Variants in ZNF704 observed in about 807,000 individuals in gnomAD.
ZNF704 encodes zinc finger protein 704.
A neutral mutation model predicts 44.7 loss-of-function variants in ZNF704; 10 were observed. That is an observed-to-expected ratio of 0.22 (90% confidence interval 0.14 to 0.38). The LOEUF (loss-of-function observed/expected upper bound fraction) is 0.38, where lower values mean the gene tolerates loss of function less well. ZNF704 is among the 10% of genes least tolerant of loss of function. The pLI, the probability that ZNF704 is intolerant of heterozygous loss-of-function variation, is 1.00. For synonymous variants in ZNF704, 211 were observed against 207.6 expected (o/e 1.02, Z -0.14); for missense variants, 390 against 545.5 (o/e 0.71, Z 2.84).
At position 80,766,866 on chromosome 8, in the gene ZNF704, C is replaced by A. The variant is rs533724386; in HGVS notation, c.221+54508G>T. Among the ~76,000 whole-genome samples, 7 of 152,180 alleles carry A rather than the reference C, an allele frequency of 4.6e-5. No individual in the cohort carries two copies. In the South Asian group the frequency reaches 1.2e-3, roughly 27 times the overall value. Reference sequence around the variant, plus strand: ...TAGCTGGGATTACAGGCATGCGTCACCATGCTTGGCTAATTTTTGTATTTT... The same window carrying A: ...TAGCTGGGATTACAGGCATGCGTCAACATGCTTGGCTAATTTTTGTATTTT... On this transcript the variant is annotated intron_variant, in intron 2 of 8. Coordinates refer to ENST00000327835, the MANE Select transcript of ZNF704 (RefSeq NM_001033723.3).
chr8:80,769,610 A>G (rs549077086), intron 2 of ZNF704, among the ~76,000 whole-genome samples: 1 of 152,318 alleles, frequency 6.6e-6, no homozygotes, highest in South Asian at 2.1e-4. Flanking sequence ...CCTTTGCTCC[A>G]GTTCCCAACA....
intron 6 of ZNF704, 122 bp from the exon 7 acceptor site, chr8:80,659,811 T>A: frequency 1.3e-6 from 1 of 799,806 alleles, no homozygotes; most frequent in Non-Finnish European, 2.0e-6. Flanking sequence ...TTGGACTAAT[T>A]ATCTAATAGG....
At chr8:80,785,551 G>T (rs542992592) in intron 2 of ZNF704, among the ~76,000 whole-genome samples, 2 of 151,946 alleles carry the variant, frequency 1.3e-5, no homozygotes, top group Admixed American at 6.6e-5. Flanking sequence ...ATATACATAC[G>T]GACTCATGGG....
At chr8:80,702,908 C>G (rs923630401) in intron 2 of ZNF704, among the ~76,000 whole-genome samples, 2 of 151,944 alleles carry the variant, frequency 1.3e-5, no homozygotes, top group African/African-American at 2.4e-5. Context: ...GTGGCTCAAG[C>G]CTTCCATAAA....
rs141503923 is a variant in ZNF704, at chr8:80,865,277, T to C, written c.-22+9294A>G. ...AACGATAGCCACTGATGGAATCATA[T>C]TATCCCAATTTTGAAGATAACATGA... On this transcript the variant is annotated intron_variant, in intron 1 of 8. Transcript: ENST00000327835. Among the ~76,000 whole-genome samples the C allele has an allele frequency of 3.9e-3, 592 of 152,328 alleles. 4 individuals are homozygous for C. Among genetic ancestry groups the C allele is most frequent in the African/African-American group, 0.014 (566 of 41,576 alleles).
intron 2 of ZNF704, among the ~76,000 whole-genome samples, chr8:80,796,256 C>A (rs772704240): frequency 5.9e-5 from 9 of 152,338 alleles, no homozygotes; most frequent in Non-Finnish European, 1.0e-4. Flanking sequence ...TAAGGCAGCA[C>A]AGGGAATCAC....
At chr8:80,763,780 T>C (rs1282412908) in intron 2 of ZNF704, among the ~76,000 whole-genome samples, 4 of 152,196 alleles carry the variant, frequency 2.6e-5, no homozygotes, top group African/African-American at 9.6e-5. Flanking sequence ...TTTCCAAACT[T>C]TTATGATCTG....
At chr8:80,757,408 T>C (rs568359292) in intron 2 of ZNF704, among the ~76,000 whole-genome samples, 1 of 152,212 alleles carries the variant, frequency 6.6e-6, no homozygotes, top group African/African-American at 2.4e-5. Flanking sequence ...TGTAGCTATA[T>C]AATGTATCTG....
At chr8:80,756,167 A>G (rs937393741) in intron 2 of ZNF704, among the ~76,000 whole-genome samples, 2 of 152,066 alleles carry the variant, frequency 1.3e-5, no homozygotes, top group African/African-American at 4.8e-5. Context: ...CAAAGAACAC[A>G]TGTCGCTGCA....
At chr8:80,852,602 A>C (rs917885389) in intron 1 of ZNF704, among the ~76,000 whole-genome samples, 2 of 152,200 alleles carry the variant, frequency 1.3e-5, no homozygotes, top group Non-Finnish European at 2.9e-5. Context: ...ATAATTTCTT[A>C]TTTTACATGC....
intron 2 of ZNF704, among the ~76,000 whole-genome samples, chr8:80,765,137 G>C (rs569045081): frequency 2.0e-5 from 3 of 152,080 alleles, no homozygotes; most frequent in Non-Finnish European, 4.4e-5. Flanking sequence ...TCAGGCCTTG[G>C]GGGGGCCACT....
chr8:80,768,650 A>C (rs1460180704), intron 2 of ZNF704, among the ~76,000 whole-genome samples: 2 of 152,222 alleles, frequency 1.3e-5, no homozygotes, highest in East Asian at 3.9e-4. Flanking sequence ...CAGAAAATAA[A>C]GGCGGTTAAC....
At chr8:80,875,691 T>G (rs1809347059), upstream of ZNF704, among the ~76,000 whole-genome samples, 1 of 152,234 alleles carries the variant, frequency 6.6e-6, no homozygotes, top group Admixed American at 6.5e-5. Flanking sequence ...TCAAATACCC[T>G]GGTAGGCACC....
chr8:80,786,891 GATTT>G (rs1426038610), intron 2 of ZNF704, among the ~76,000 whole-genome samples: 4 of 152,066 alleles, frequency 2.6e-5, no homozygotes, highest in African/African-American at 9.7e-5. Flanking sequence ...AGAAGATCAG[GATTT>G]ATTATCAAGA....
rs536414606 is a variant in ZNF704 at position 80,851,182 on chromosome 8, A to G, written c.-22+23389T>C. 6.6e-4 allele frequency among the ~76,000 whole-genome samples: 101 copies of G among 152,292 alleles called. No individual in the cohort carries two copies. In the South Asian group the frequency reaches 0.011, roughly 17 times the overall value. On this transcript the variant is annotated intron_variant, in intron 1 of 8. Transcript: ENST00000327835. The stretch of plus-strand genomic sequence containing the variant: ...TTGTGGCGATTCCTCAGGGAACTAG[A>G]ACTAGAAATACCATTTGACCCAGCC...
At chr8:80,879,453 A>G (rs765333322), upstream of ZNF704, among the ~76,000 whole-genome samples, 32 of 152,052 alleles carry the variant, frequency 2.1e-4, no homozygotes, top group Non-Finnish European at 3.5e-4. Flanking sequence ...GGGTTTCACT[A>G]TGTACAGGCT....
At chr8:80,802,060 A>C (rs1284656458) in intron 2 of ZNF704, among the ~76,000 whole-genome samples, 1 of 152,122 alleles carries the variant, frequency 6.6e-6, no homozygotes, top group Non-Finnish European at 1.5e-5. Context: ...TATGCACATA[A>C]ACTAGAAAAT....
At chr8:80,708,703 G>A (rs550002446) in intron 2 of ZNF704, among the ~76,000 whole-genome samples, 20 of 152,166 alleles carry the variant, frequency 1.3e-4, no homozygotes, top group Non-Finnish European at 2.8e-4. Flanking sequence ...TACTGTAATA[G>A]CATGTTGATT....
At chr8:80,819,184 A>T (rs72671926) in intron 2 of ZNF704, among the ~76,000 whole-genome samples, 2,470 of 152,278 alleles carry the variant, frequency 0.016, 27 homozygotes, top group Middle Eastern at 0.031. Flanking sequence ...ATGGATTTAA[A>T]ACCTAATTAA....
Sources: gnomAD v4.1 joint callset for allele counts (sites outside exome capture counted in the v4.1 genomes callset) on GRCh38, gnomAD v4.1.1 for gene constraint, MANE v1.5 for transcripts, NCBI Gene and HGNC (gene_info 2026-07-23, HGNC 2026-07-21) for gene names.